Variants in CAMK4 observed in about 807,000 individuals in gnomAD.
CAMK4 encodes calcium/calmodulin dependent protein kinase IV, also known as calcium/calmodulin-dependent protein kinase type IV.
Under a neutral mutation model 44.9 loss-of-function variants are expected in CAMK4, and 22 were observed. That is an observed-to-expected ratio of 0.49 (90% CI 0.35 to 0.70). CAMK4 has a LOEUF of 0.70. Ranked by LOEUF, CAMK4 falls within the 30% of genes least tolerant of loss-of-function variation. CAMK4 has a pLI of 0.01. For synonymous variants in CAMK4, 218 were observed against 215.4 expected, an observed-to-expected ratio of 1.01 and a Z score of -0.11; for missense variants, 498 against 586.8, an observed-to-expected ratio of 0.85 and a Z score of 1.56.
chr5:111,414,569 A>G (rs1236066818), intron 5 of CAMK4, among the ~76,000 whole-genome samples: 1 of 152,230 alleles, frequency 6.6e-6, no homozygotes, highest in Non-Finnish European at 1.5e-5. Flanking sequence ...AAGACATGAC[A>G]TAGAAATAGA....
At chr5:111,309,000 A>G (rs1748082545) in intron 1 of CAMK4, among the ~76,000 whole-genome samples, 1 of 152,160 alleles carries the variant, frequency 6.6e-6, no homozygotes, top group South Asian at 2.1e-4. Context: ...AATTCTTTCT[A>G]GTGTCCAGGA....
Position 111,491,771 on chromosome 5 carries a change from ACTAAG to A in CAMK4, c.*7311_*7315del, listed in dbSNP as rs371385956. 34 of 152,352 alleles carry A rather than the reference ACTAAG, an allele frequency of 2.2e-4. 1 individual carries two copies. In the East Asian group the frequency reaches 6.0e-3, roughly 27 times the overall value. 9.4% of individuals were successfully genotyped at this position (152,352 alleles called of 1,614,324 possible). Reference sequence around the variant, plus strand: ...TTAAGTCAATCTACAGCTGTTACTTACTAAGCTAAGAAATAAGAAGATCCCTATGG... The same window carrying A: ...TTAAGTCAATCTACAGCTGTTACTTACTAAGAAATAAGAAGATCCCTATGG... On this transcript the variant is annotated 3_prime_UTR_variant, in exon 11 of 11. Coordinates refer to ENST00000282356, the MANE Select transcript of CAMK4 (RefSeq NM_001744.6).
intron 1 of CAMK4, among the ~76,000 whole-genome samples, chr5:111,279,123 G>C (rs1750897233): frequency 6.6e-6 from 1 of 152,194 alleles, no homozygotes; most frequent in Admixed American, 6.5e-5. Context: ...ACGAAAATAA[G>C]TCTAGTTTGG....
chr5:111,375,711 A>G (rs1478757866), intron 3 of CAMK4, among the ~76,000 whole-genome samples: 3 of 152,140 alleles, frequency 2.0e-5, no homozygotes, highest in Admixed American at 6.6e-5. Context: ...AGCAACAAAA[A>G]TCAGGCAGTT....
intron 2 of CAMK4, among the ~76,000 whole-genome samples, chr5:111,366,974 A>G (rs1413664498): frequency 6.6e-6 from 1 of 151,848 alleles, no homozygotes; most frequent in African/African-American, 2.4e-5. Context: ...TGCCCAATCC[A>G]TTTGATGGCT....
chr5:111,453,200 G>A (rs531849516), intron 7 of CAMK4, among the ~76,000 whole-genome samples: 20 of 152,314 alleles, frequency 1.3e-4, no homozygotes, highest in Admixed American at 2.0e-4. Context: ...GGATACACCT[G>A]TGTGTGGTAA....
At chr5:111,269,371 C>G (rs974166454) in intron 1 of CAMK4, among the ~76,000 whole-genome samples, 2 of 152,154 alleles carry the variant, frequency 1.3e-5, no homozygotes, top group African/African-American at 4.8e-5. Flanking sequence ...TTATATGTCT[C>G]CCTTTCCCGT....
intron 7 of CAMK4, among the ~76,000 whole-genome samples, chr5:111,464,465 C>T (rs562325552): frequency 6.6e-6 from 1 of 152,196 alleles, no homozygotes; most frequent in East Asian, 1.9e-4. Context: ...TCTAGACATA[C>T]AAGTACAGGA....
rs1410337815 is a variant in CAMK4, at chr5:111,443,309, CACACACTA to C, written c.460-3376_460-3369del. ...ACACACACACACACACACACACACA[CACACACTA>C]TATATATATACTATATATACTATAT... On this transcript the variant is annotated intron_variant, in intron 5 of 10. Coordinates refer to ENST00000282356, the MANE Select transcript of CAMK4 (RefSeq NM_001744.6). 5.8e-3 allele frequency among the ~76,000 whole-genome samples: 750 copies of C among 128,658 alleles called. 6 individuals are homozygous for C. Among genetic ancestry groups the C allele is most frequent in the Admixed American group, 0.013 (164 of 12,358 alleles). 84.4% of individuals were successfully genotyped at this position (128,658 alleles called of 152,430 possible).
chr5:111,285,521 A>G (rs1751204822), intron 1 of CAMK4, among the ~76,000 whole-genome samples: 1 of 152,212 alleles, frequency 6.6e-6, no homozygotes, highest in Non-Finnish European at 1.5e-5. Flanking sequence ...AGGTTCCTCT[A>G]CATAATGATG....
At chr5:111,356,663 C>T (rs1032957692) in intron 2 of CAMK4, among the ~76,000 whole-genome samples, 14 of 152,160 alleles carry the variant, frequency 9.2e-5, no homozygotes, top group Non-Finnish European at 1.3e-4. Context: ...TTTTATCCAT[C>T]TTGAATTAAT....
intron 5 of CAMK4, among the ~76,000 whole-genome samples, chr5:111,427,228 A>G (rs925601359): frequency 6.6e-6 from 1 of 152,088 alleles, no homozygotes; most frequent in South Asian, 2.1e-4. Context: ...CCCAGACAAC[A>G]TTTCTAAACA....
chr5:111,255,115 A>G (rs1447717779), intron 1 of CAMK4, among the ~76,000 whole-genome samples: 1 of 152,132 alleles, frequency 6.6e-6, no homozygotes, highest in African/African-American at 2.4e-5. Context: ...GTGTATCAAA[A>G]TTCCCTGGTG....
intron 1 of CAMK4, among the ~76,000 whole-genome samples, chr5:111,226,369 A>G (rs1456894678): frequency 6.6e-6 from 1 of 152,248 alleles, no homozygotes; most frequent in Non-Finnish European, 1.5e-5. Context: ...TTTTCAGTTC[A>G]GAATTACGTG....
chr5:111,308,900 T>C (rs1469479379), intron 1 of CAMK4, among the ~76,000 whole-genome samples: 1 of 152,212 alleles, frequency 6.6e-6, no homozygotes, highest in African/African-American at 2.4e-5. Context: ...TAATTAACCT[T>C]CTATTTGCCA....
At chr5:111,427,432 A>G (rs4957612) in intron 5 of CAMK4, among the ~76,000 whole-genome samples, 119,064 of 152,114 alleles carry the variant, frequency 0.78, 47,069 homozygotes, top group African/African-American at 0.88. Context: ...CGGGGGTAGA[A>G]CACCAAGTGG....
intron 1 of CAMK4, among the ~76,000 whole-genome samples, chr5:111,226,311 T>C (rs2112484495): frequency 6.6e-6 from 1 of 152,366 alleles, no homozygotes. Context: ...TATGAGATGG[T>C]AGCCTGCATA....
chr5:111,365,864 C>T (rs182919725), intron 2 of CAMK4, among the ~76,000 whole-genome samples: 3 of 152,128 alleles, frequency 2.0e-5, no homozygotes, highest in African/African-American at 4.8e-5. Flanking sequence ...AGGAAAACCT[C>T]GATATTTGTA....
In CAMK4 at chr5:111,273,718, TACACACAC is replaced by T. The variant is rs143530732; in HGVS notation, c.161+49076_161+49083del. 1.8e-3 allele frequency among the ~76,000 whole-genome samples: 79 copies of T among 44,782 alleles called. 2 individuals carry two copies. Among genetic ancestry groups the T allele is most frequent in the African/African-American group, 7.5e-3 (65 of 8,616 alleles). 29.4% of individuals were successfully genotyped at this position (44,782 alleles called of 152,430 possible). Reference sequence around the variant, plus strand: ...ATATATATATATATATATATATATATACACACACATACATACACACACACACGCTCACA... The same window carrying T: ...ATATATATATATATATATATATATATATACATACACACACACACGCTCACA... On this transcript the variant is annotated intron_variant, in intron 1 of 10. Transcript: ENST00000282356.
Sources: gnomAD v4.1 joint callset for allele counts (sites outside exome capture counted in the v4.1 genomes callset) on GRCh38, gnomAD v4.1.1 for gene constraint, MANE v1.5 for transcripts, NCBI Gene and HGNC (gene_info 2026-07-23, HGNC 2026-07-21) for gene names.